USP34: variants seen among roughly 807,000 people sequenced by gnomAD.
USP34 encodes ubiquitin carboxyl-terminal hydrolase 34.
In USP34, 70 loss-of-function variants were observed where a neutral mutation model predicts 460.3. That is an observed-to-expected ratio of 0.15 (90% CI 0.13 to 0.19). The LOEUF (loss-of-function observed/expected upper bound fraction) is 0.19. Among genes scored for constraint, USP34 ranks in the 10% least tolerant of loss-of-function variants. The probability of loss-of-function intolerance (pLI) is 1.00; values close to 1 mark genes in which losing one functional copy is unlikely to be tolerated. For synonymous variants in USP34, 1,647 were observed against 1,405.3 expected, an observed-to-expected ratio of 1.17 and a Z score of -3.85; for missense variants, 3,985 against 4,236.2, an observed-to-expected ratio of 0.94 and a Z score of 1.65.
intron 41 of USP34, among the ~76,000 whole-genome samples, chr2:61,274,874 T>A (rs1411817527): frequency 6.6e-6 from 1 of 152,246 alleles, no homozygotes. Context: ...CTTCCTACAT[T>A]TCCTAAATCT....
In USP34 at chr2:61,241,790, T is replaced by C; in HGVS notation, c.6657A>G (p.Lys2219=). 2.6e-6 allele frequency: 4 copies of C among 1,539,302 alleles called. No homozygotes were observed. Among genetic ancestry groups the C allele is most frequent in the Non-Finnish European group, 3.5e-6 (4 of 1,140,416 alleles). ...TTKTYDSVTD[K]FMDFSFEKTH... ...CCTTTTCAAAAGAGAAGTCCATAAA[T>C]TTATCTGTAACAGAATCATAGGTCT... Residue 2219 remains lysine (K), a synonymous_variant, in exon 52 of 80, where the codon AAA becomes AAG. Transcript: ENST00000398571.
intron 27 of USP34, among the ~76,000 whole-genome samples, chr2:61,305,966 A>C (rs1690391575): frequency 6.6e-6 from 1 of 152,178 alleles, no homozygotes; most frequent in Admixed American, 6.5e-5. Flanking sequence ...AGTTCTTTGT[A>C]GATTCTGGAT....
intron 27 of USP34, among the ~76,000 whole-genome samples, chr2:61,310,840 T>C (rs1255025586): frequency 6.6e-6 from 1 of 151,976 alleles, no homozygotes; most frequent in African/African-American, 2.4e-5. Flanking sequence ...AGTGGATGAG[T>C]AGTATATGGA....
chr2:61,226,431 T>C (rs1687730303), intron 62 of USP34, among the ~76,000 whole-genome samples: 1 of 152,178 alleles, frequency 6.6e-6, no homozygotes, highest in African/African-American at 2.4e-5. Flanking sequence ...TGAGGTTTGG[T>C]TGTACATACA....
intron 13 of USP34, 142 bp from the exon 14 acceptor site, chr2:61,349,028 C>G (rs1014483628): frequency 8.9e-7 from 1 of 1,129,384 alleles, no homozygotes; most frequent in South Asian, 1.8e-5. Context: ...AATATGTTAA[C>G]ATTTGCTCAT....
chr2:61,225,825 C>G (rs1255685919), intron 62 of USP34, among the ~76,000 whole-genome samples: 4 of 152,310 alleles, frequency 2.6e-5, no homozygotes, highest in Non-Finnish European at 5.9e-5. Context: ...TAACGTTTAA[C>G]TCACTGCCAA....
intron 3 of USP34, among the ~76,000 whole-genome samples, chr2:61,405,024 G>A (rs1693826111): frequency 6.6e-6 from 1 of 151,736 alleles, no homozygotes; most frequent in African/African-American, 2.4e-5. Context: ...TCAGGAGATC[G>A]AGACCATCCT....
At position 61,435,959 on chromosome 2, in the gene USP34, C is replaced by T. The variant is rs552218781; in HGVS notation, c.44-15126G>A. Among the ~76,000 whole-genome samples the T allele has an allele frequency of 1.5e-3, 226 of 151,246 alleles. 2 individuals carry two copies. Among genetic ancestry groups the T allele is most frequent in the African/African-American group, 2.9e-3 (121 of 41,206 alleles). ...AGGAGAATCGCTTGAACCTGGGAGG[C>T]GGAGGCTGCAGTAAACCAAGATCAC... is the stretch of plus-strand genomic sequence containing the variant. On this transcript the variant is annotated intron_variant, in intron 1 of 79. Transcript: ENST00000398571.
intron 41 of USP34, among the ~76,000 whole-genome samples, chr2:61,266,900 G>C (rs566138580): frequency 2.4e-4 from 37 of 152,296 alleles, no homozygotes; most frequent in African/African-American, 8.7e-4. Flanking sequence ...AGTGAAAACA[G>C]TGGCTCACTG....
At chr2:61,194,164 C>T (rs1686725108) in intron 75 of USP34, 1 of 985,240 alleles carries the variant, frequency 1.0e-6, no homozygotes, top group South Asian at 4.7e-5. Context: ...TCAGAACTTA[C>T]CAAGGATGCC....
intron 3 of USP34, 128 bp from the exon 4 acceptor site, chr2:61,395,361 C>A: frequency 1.6e-6 from 1 of 634,548 alleles, no homozygotes; most frequent in Admixed American, 3.2e-5. Context: ...TCCTGATAAG[C>A]AGTGATACTC....
rs774176198 is a variant in USP34, at chr2:61,348,775, T to C, written c.1655A>G (p.Gln552Arg). 60 of 1,612,376 alleles carry C rather than the reference T, an allele frequency of 3.7e-5. No homozygotes were observed. Among genetic ancestry groups the C allele is most frequent in the Non-Finnish European group, 4.7e-5 (55 of 1,179,576 alleles). The part of the protein sequence containing the change: ...QLINRTKHVQ[Q>R]RLSDTEESMQ... Reference sequence around the variant, plus strand: ...TCATACCTCTGTGTCTGAAAGTCGTTGTTGCACATGTTTGGTTCTATTAAT... The same window carrying C: ...TCATACCTCTGTGTCTGAAAGTCGTCGTTGCACATGTTTGGTTCTATTAAT... Residue 552 changes from glutamine to arginine, a missense_variant, in exon 14 of 80, where the codon CAA becomes CGA. Transcript: ENST00000398571.
intron 10 of USP34, among the ~76,000 whole-genome samples, chr2:61,354,058 T>A (rs1692033877): frequency 1.3e-5 from 2 of 152,038 alleles, no homozygotes; most frequent in South Asian, 4.1e-4. Flanking sequence ...ATTTTGGAAA[T>A]CCCAGAATGC....
chr2:61,202,335 C>T (rs987699035), intron 75 of USP34, among the ~76,000 whole-genome samples: 1 of 152,124 alleles, frequency 6.6e-6, no homozygotes, highest in African/African-American at 2.4e-5. Flanking sequence ...AAGTATTTCA[C>T]GTCCCACTCT....
At chr2:61,255,311 A>G (rs996264678) in intron 48 of USP34, among the ~76,000 whole-genome samples, 1 of 152,096 alleles carries the variant, frequency 6.6e-6, no homozygotes, top group Non-Finnish European at 1.5e-5. Flanking sequence ...TAACACTCTA[A>G]CTCAACAGTT....
At chr2:61,285,834 T>G (rs537357751) in intron 34 of USP34, among the ~76,000 whole-genome samples, 119 of 152,324 alleles carry the variant, frequency 7.8e-4, no homozygotes, top group African/African-American at 2.8e-3. Context: ...TCAGGCTACA[T>G]GATCCTAATA....
At chr2:61,284,592 A>C (rs1000166572) in intron 35 of USP34, among the ~76,000 whole-genome samples, 5 of 152,214 alleles carry the variant, frequency 3.3e-5, no homozygotes, top group African/African-American at 1.2e-4. Flanking sequence ...CCTTGGTCTT[A>C]GGAGATACAC....
Position 61,311,829 on chromosome 2 carries a change from A to T in USP34, c.3624T>A (p.Ser1208=). The stretch of plus-strand genomic sequence containing the variant: ...GCTGGCATACAACCCTTAGCGGCAG[A>T]GACTGTTTGTCACTCAGTGCTTTCA... ...SHLKALSDKQ[S]LPLRVVCQPA... is the part of the protein sequence containing the mutation. Residue 1208 remains serine, a synonymous_variant, in exon 26 of 80, where the codon TCT becomes TCA. Transcript: ENST00000398571. 1 of 1,614,054 alleles carries T rather than the reference A, an allele frequency of 6.2e-7. No individual in the cohort carries two copies. Among genetic ancestry groups the T allele is most frequent in the Middle Eastern group, 1.6e-4 (1 of 6,062 alleles).
chr2:61,252,062 C>T (rs986346972), intron 48 of USP34, among the ~76,000 whole-genome samples: 10 of 151,754 alleles, frequency 6.6e-5, no homozygotes, highest in African/African-American at 1.7e-4. Flanking sequence ...TGGTAGACTA[C>T]GGTAAACACC....
Sources: gnomAD v4.1 joint callset for allele counts (sites outside exome capture counted in the v4.1 genomes callset) on GRCh38, gnomAD v4.1.1 for gene constraint, MANE v1.5 for transcripts, NCBI Gene and HGNC (gene_info 2026-07-23, HGNC 2026-07-21) for gene names.